The following RTTN variants were observed in gnomAD, a reference collection of about 807,000 sequenced individuals.
The protein encoded by RTTN is rotatin.
RTTN carries 182 observed loss-of-function variants against 269.2 expected under a neutral mutation model. The ratio of observed to expected loss-of-function variants is 0.68; its 90% CI spans 0.60 to 0.76. The LOEUF (loss-of-function observed/expected upper bound fraction) is 0.76, where lower values mean the gene tolerates loss of function less well. RTTN is among the 30% of genes least tolerant of loss of function. RTTN has a pLI of 0.00. For synonymous variants in RTTN, 1,006 were observed against 963.5 expected, an observed-to-expected ratio of 1.04 and a Z score of -0.82; for missense variants, 2,545 against 2,608.6, an observed-to-expected ratio of 0.98 and a Z score of 0.53.
chr18:70,173,916 CT>C (rs2061215707), intron 11 of RTTN, among the ~76,000 whole-genome samples: 2 of 152,142 alleles, frequency 1.3e-5, no homozygotes, highest in Non-Finnish European at 2.9e-5. Context: ...AGAGTACATA[CT>C]TTATAATTTC....
chr18:70,089,166 G>A lies in RTTN; in HGVS notation c.4144-1019C>T, dbSNP rs72959895. Reference sequence around the variant, plus strand: ...ACTGAACTGTGTCTCCTCAAGACTCGTATGTTGAAGCCCTAATCCCCAACC... The same window carrying A: ...ACTGAACTGTGTCTCCTCAAGACTCATATGTTGAAGCCCTAATCCCCAACC... On this transcript the variant is annotated intron_variant, in intron 30 of 48. Coordinates refer to ENST00000640769, the MANE Select transcript of RTTN (RefSeq NM_173630.4). 4.1e-4 allele frequency among the ~76,000 whole-genome samples: 62 copies of A among 152,282 alleles called. 1 individual carries two copies. In the South Asian group the frequency reaches 0.012, roughly 30 times the overall value.
intron 32 of RTTN, among the ~76,000 whole-genome samples, chr18:70,076,231 GT>G (rs774361509): frequency 2.6e-5 from 4 of 151,940 alleles, no homozygotes; most frequent in Non-Finnish European, 4.4e-5. Flanking sequence ...TTGGTTTGAA[GT>G]TTGCAAATAA....
chr18:70,203,983 G>C, intron 3 of RTTN, 103 bp downstream of exon 3: 1 of 857,302 alleles, frequency 1.2e-6, no homozygotes, highest in South Asian at 1.9e-5. Context: ...AATAAGTTTG[G>C]GGGAGGTGGG....
chr18:70,045,959 C>CA (rs948922722), intron 40 of RTTN, among the ~76,000 whole-genome samples: 1 of 151,676 alleles, frequency 6.6e-6, no homozygotes, highest in Non-Finnish European at 1.5e-5. Context: ...AAAAAGGTAA[C>CA]AAAAAAATTA....
At chr18:70,006,781 T>A in intron 46 of RTTN, 1 of 268,132 alleles carries the variant, frequency 3.7e-6, no homozygotes, top group Non-Finnish European at 7.1e-6. Context: ...AAAATAAGTA[T>A]ACAATTAGGT....
rs771321339 is a variant in RTTN at position 70,074,002 on chromosome 18, A to G, written c.4565-8T>C. 1 of 1,601,342 alleles carries G rather than the reference A, an allele frequency of 6.2e-7. No homozygotes were observed. ...TGAATGAGTCATCTAAACCTGCAAC[A>G]ACGAGAAAATTGTTAACATGGACAC... On this transcript the variant is annotated splice_polypyrimidine_tract_variant and splice_region_variant and intron_variant, in intron 33 of 48. Coordinates refer to ENST00000640769, the MANE Select transcript of RTTN (RefSeq NM_173630.4).
At chr18:70,114,047 T>G in intron 27 of RTTN, among the ~76,000 whole-genome samples, 1 of 152,304 alleles carries the variant, frequency 6.6e-6, no homozygotes, top group Non-Finnish European at 1.5e-5. Context: ...GACTTTCATC[T>G]TAATATTTTT....
chr18:70,145,513 T>G (rs888262890), intron 18 of RTTN, 99 bp downstream of exon 18: 4 of 835,286 alleles, frequency 4.8e-6, no homozygotes, highest in Non-Finnish European at 7.1e-6. Flanking sequence ...CTTCTCTCCC[T>G]CCCCAGGACA....
At chr18:70,111,402 C>T (rs1272372685) in intron 27 of RTTN, among the ~76,000 whole-genome samples, 2 of 152,078 alleles carry the variant, frequency 1.3e-5, no homozygotes, top group Admixed American at 6.5e-5. Flanking sequence ...CCTCCGCTGG[C>T]GATACCTAGG....
At chr18:70,197,011 T>C (rs1352695690) in intron 6 of RTTN, among the ~76,000 whole-genome samples, 2 of 152,166 alleles carry the variant, frequency 1.3e-5, no homozygotes, top group Non-Finnish European at 2.9e-5. Flanking sequence ...ATCTAAACCA[T>C]TTAACCACAT....
In RTTN at chr18:70,048,010, A is replaced by T; in HGVS notation, c.5502T>A (p.Asn1834Lys). The stretch of plus-strand genomic sequence containing the variant: ...CACTAAGTTGTTCTAGAGATTTCTG[A>T]TTTTCCTGAGAGTCATCAAGAAGTG... ...VASLLDDSQE[N>K]QKSLEQLSDV... is the part of the protein sequence containing the mutation. Residue 1834 changes from asparagine (N) to lysine (K), a missense_variant, in exon 40 of 49, where the codon AAT (asparagine) becomes AAA (lysine). By Grantham distance (94) the Asn-to-Lys change is moderately conservative (BLOSUM62 0). Transcript: ENST00000640769. 2 of 1,614,106 alleles carry T rather than the reference A, an allele frequency of 1.2e-6. No individual in the cohort carries two copies. The highest frequency in any genetic ancestry group is 1.7e-6 in the Non-Finnish European group (2 of 1,179,962).
In RTTN at chr18:70,051,440, G is replaced by T; in HGVS notation, c.5294C>A (p.Ala1765Asp). ...CGCCGCTGTCCAGTGCTTGGCCAGG[G>T]CCACGGTAACAAACGGGAGTGTGAT... ...GAITLPFVTVALAKHWTAAID... is the reference protein window; with the variant it reads ...GAITLPFVTVDLAKHWTAAID... The change falls in exon 39 of 49, where the codon GCC becomes GAC. Residue 1765 changes from alanine to aspartate, a missense_variant. By Grantham distance (126) the Ala-to-Asp change is moderately radical. Coordinates refer to ENST00000640769, the MANE Select transcript of RTTN (RefSeq NM_173630.4). 1 of 1,613,802 alleles carries T rather than the reference G, an allele frequency of 6.2e-7. No individual in the cohort carries two copies. The highest frequency in any genetic ancestry group is 8.5e-7 in the Non-Finnish European group (1 of 1,179,880).
chr18:70,200,668 G>A (rs1431371105), intron 4 of RTTN, among the ~76,000 whole-genome samples: 1 of 152,210 alleles, frequency 6.6e-6, no homozygotes, highest in Non-Finnish European at 1.5e-5. Flanking sequence ...TCCAAATGGA[G>A]TTCATTTGAA....
rs1483836447 is a variant in RTTN, at chr18:70,128,563, C to T, written c.2955-17G>A. On this transcript the variant is annotated splice_polypyrimidine_tract_variant and intron_variant, in intron 23 of 48. Transcript: ENST00000640769. ...AGATGGTACCTAAAGAAAATGTGTA[C>T]AAATAATTACAAACTTTCAAATTCT... 2 of 1,599,618 alleles carry T rather than the reference C, an allele frequency of 1.3e-6. No homozygotes were observed. Among genetic ancestry groups the T allele is most frequent in the Non-Finnish European group, 1.7e-6 (2 of 1,169,592 alleles).
At chr18:70,054,046 C>T in intron 38 of RTTN, 85 bp downstream of exon 38, 6 of 1,156,354 alleles carry the variant, frequency 5.2e-6, no homozygotes, top group South Asian at 3.1e-5. Flanking sequence ...CAAAAAGTAA[C>T]CTTCAAGTGA....
chr18:70,181,428 G>A (rs1414644408), intron 10 of RTTN, among the ~76,000 whole-genome samples: 1 of 152,098 alleles, frequency 6.6e-6, no homozygotes, highest in Non-Finnish European at 1.5e-5. Flanking sequence ...AGGACTAGGG[G>A]GAATGACATA....
In RTTN at chr18:70,007,690, C is replaced by G. The variant is rs2056237419; in HGVS notation, c.6422-1206G>C. On this transcript the variant is annotated intron_variant, in intron 46 of 48. Transcript: ENST00000640769. ...CCACAGCTCAGCAAAGACGTTGTAC[C>G]CAAACTGCCTCTCTAGATTCCTCCT... The G allele has an allele frequency of 2.6e-5, 4 of 152,374 alleles. No homozygotes were observed. The South Asian group carries it at 8.3e-4, about 32-fold the overall frequency. 9.4% of individuals were successfully genotyped at this position (152,374 alleles called of 1,614,324 possible). A position where few individuals can be genotyped will look rare whatever the true frequency, so the allele number is the denominator to read the frequency against.
intron 45 of RTTN, 45 bp from the exon 46 acceptor site, chr18:70,017,719 A>G (rs1450544139): frequency 1.3e-6 from 2 of 1,514,810 alleles, no homozygotes; most frequent in East Asian, 4.5e-5. Context: ...CATCTTTTTC[A>G]TTATTTTCCT....
Position 70,060,006 on chromosome 18 carries a change from T to A in RTTN, c.4784A>T (p.Asp1595Val). Residue 1595 changes from aspartate (D) to valine (V), a missense_variant, in exon 36 of 49, where the codon GAT becomes GTT. Transcript: ENST00000640769. ...GGGCAGGGGAGCAGAAAGAGATGAA[T>A]CATGAGGTGGCCGTGGTGATGTACT... ...QESTSPRPPH[D>V]SSLSAPLPKL... 1 of 1,613,302 alleles carries A rather than the reference T, an allele frequency of 6.2e-7. No homozygotes were observed. Among genetic ancestry groups the A allele is most frequent in the Non-Finnish European group, 8.5e-7 (1 of 1,179,664 alleles).
Sources: gnomAD v4.1 joint callset for allele counts (sites outside exome capture counted in the v4.1 genomes callset) on GRCh38, gnomAD v4.1.1 for gene constraint, MANE v1.5 for transcripts, NCBI Gene and HGNC (gene_info 2026-07-23, HGNC 2026-07-21) for gene names.